Variants in FGF12 observed in about 807,000 individuals in gnomAD.
The protein encoded by FGF12 is fibroblast growth factor 12.
FGF12 carries 14 observed loss-of-function variants against 23.6 expected under a neutral mutation model. That is an observed-to-expected ratio of 0.59 (90% CI 0.39 to 0.93). The LOEUF is 0.93. Ranked by LOEUF, FGF12 falls within the 40% of genes least tolerant of loss-of-function variation. The pLI is 0.00. For missense variants in FGF12, 175 were observed against 217.8 expected (o/e 0.80, Z 1.24); for synonymous variants, 62 against 77.3 (o/e 0.80, Z 1.04).
chr3:192,444,711 G>A lies in FGF12; in HGVS notation c.14-84173C>T, dbSNP rs978303930. On this transcript the variant is annotated intron_variant, in intron 2 of 5. Coordinates refer to ENST00000445105, the MANE Select transcript of FGF12 (RefSeq NM_004113.6). ...TGGGCGAGCGCCACCTCGTGGACAT[G>A]AGGGAAATTGCTTCCCTCTGCGAAT... Among the ~76,000 whole-genome samples, 6 of 152,218 alleles carry A rather than the reference G, an allele frequency of 3.9e-5. No individual in the cohort carries two copies. In the South Asian group the frequency reaches 1.2e-3, roughly 31 times the overall value.
chr3:192,695,005 G>T (rs1718069072), intron 2 of FGF12, among the ~76,000 whole-genome samples: 1 of 151,886 alleles, frequency 6.6e-6, no homozygotes, highest in African/African-American at 2.4e-5. Context: ...TTTGCTAGGG[G>T]AGTAGATTTT....
chr3:192,345,644 G>A lies in FGF12; in HGVS notation c.125-10180C>T, dbSNP rs1717919328. Among the ~76,000 whole-genome samples the A allele has an allele frequency of 4.9e-5, 2 of 40,774 alleles. 1 individual carries two copies. The highest frequency in any genetic ancestry group is 1.1e-3 in the African/African-American group (2 of 1,746). The allele number at this position is 40,774 out of a possible 152,430, so 26.7% of individuals were successfully genotyped here. On this transcript the variant is annotated intron_variant, in intron 3 of 5. Transcript: ENST00000445105. Reference sequence around the variant, plus strand: ...GGAGCTTGCAGTGAGCCGAGATCGCGCCACTGCACTCCAGCCTGGGCGACA... The same window carrying A: ...GGAGCTTGCAGTGAGCCGAGATCGCACCACTGCACTCCAGCCTGGGCGACA...
At chr3:192,536,736 GCATAATAATCACATCAGGGTAAAT>G (rs1220049353) in intron 2 of FGF12, among the ~76,000 whole-genome samples, 1 of 151,940 alleles carries the variant, frequency 6.6e-6, no homozygotes, top group East Asian at 1.9e-4. Flanking sequence ...GGCATATAAT[GCATAATAATCACATCAGGGTAAAT>G]GGGGTATTCA....
At chr3:192,193,216 C>T (rs1716894710) in intron 4 of FGF12, among the ~76,000 whole-genome samples, 1 of 152,168 alleles carries the variant, frequency 6.6e-6, no homozygotes. Flanking sequence ...GCTTGCCTTG[C>T]TCTAGATCTG....
intron 5 of FGF12, among the ~76,000 whole-genome samples, chr3:192,168,538 A>G (rs746697382): frequency 6.6e-6 from 1 of 152,220 alleles, no homozygotes; most frequent in Non-Finnish European, 1.5e-5. Context: ...GAGTCCCAAT[A>G]TAAATCCTAT....
chr3:192,553,208 A>G (rs1711607816), intron 2 of FGF12, among the ~76,000 whole-genome samples: 1 of 152,156 alleles, frequency 6.6e-6, no homozygotes, highest in South Asian at 2.1e-4. Context: ...ATGAATCTAT[A>G]TAAAGAAACT....
intron 4 of FGF12, among the ~76,000 whole-genome samples, chr3:192,269,816 A>C (rs1447369322): frequency 1.3e-5 from 2 of 152,196 alleles, no homozygotes; most frequent in East Asian, 1.9e-4. Context: ...CTAATACTAC[A>C]AAGAATATCT....
At chr3:192,206,820 A>T (rs1388463989) in intron 4 of FGF12, among the ~76,000 whole-genome samples, 3 of 152,136 alleles carry the variant, frequency 2.0e-5, no homozygotes, top group African/African-American at 7.2e-5. Context: ...GGGTGTCTGT[A>T]TCCAACTCTA....
intron 2 of FGF12, among the ~76,000 whole-genome samples, chr3:192,578,830 C>A (rs755730065): frequency 6.6e-6 from 1 of 152,170 alleles, no homozygotes; most frequent in Non-Finnish European, 1.5e-5. Flanking sequence ...TATTGCAAAG[C>A]GAGTAGCTCA....
intron 2 of FGF12, among the ~76,000 whole-genome samples, chr3:192,425,645 T>C (rs1035677525): frequency 6.6e-6 from 1 of 152,206 alleles, no homozygotes; most frequent in Non-Finnish European, 1.5e-5. Flanking sequence ...ATAAGATATA[T>C]GGAGATATAT....
chr3:192,691,440 T>A (rs1226560601), intron 2 of FGF12, among the ~76,000 whole-genome samples: 1 of 151,934 alleles, frequency 6.6e-6, no homozygotes, highest in Non-Finnish European at 1.5e-5. Context: ...AAACAACCGA[T>A]GAGTCAAAGA....
chr3:192,270,329 T>A (rs1273853621), intron 4 of FGF12, among the ~76,000 whole-genome samples: 2 of 152,182 alleles, frequency 1.3e-5, no homozygotes, highest in African/African-American at 4.8e-5. Context: ...AACTGTTAAA[T>A]CAATTCATGA....
intron 2 of FGF12, among the ~76,000 whole-genome samples, chr3:192,560,467 T>C (rs964632971): frequency 6.6e-6 from 1 of 151,894 alleles, no homozygotes; most frequent in Non-Finnish European, 1.5e-5. Context: ...GTACTGTTGA[T>C]GAAAAAAGAA....
At chr3:192,427,168 G>A (rs367677519) in intron 2 of FGF12, among the ~76,000 whole-genome samples, 55 of 152,146 alleles carry the variant, frequency 3.6e-4, no homozygotes, top group Middle Eastern at 3.4e-3. Context: ...AGATCACGAG[G>A]TCAGGAGTTC....
chr3:192,644,395 C>T (rs920463859), intron 2 of FGF12, among the ~76,000 whole-genome samples: 4 of 151,938 alleles, frequency 2.6e-5, no homozygotes, highest in East Asian at 3.9e-4. Flanking sequence ...CCCCTGTTGT[C>T]GTATATTTGT....
At chr3:192,665,629 G>T (rs550590807) in intron 2 of FGF12, among the ~76,000 whole-genome samples, 135 of 152,022 alleles carry the variant, frequency 8.9e-4, no homozygotes, top group South Asian at 7.3e-3. Flanking sequence ...AGGGGAGGGA[G>T]AGCATTAGGA....
intron 4 of FGF12, among the ~76,000 whole-genome samples, chr3:192,264,927 G>C (rs1712986155): frequency 6.6e-6 from 1 of 152,092 alleles, no homozygotes; most frequent in African/African-American, 2.4e-5. Flanking sequence ...GGCCATTCAG[G>C]TGTGTTAGAA....
At chr3:192,197,671 G>A (rs1214058882) in intron 4 of FGF12, among the ~76,000 whole-genome samples, 1 of 152,140 alleles carries the variant, frequency 6.6e-6, no homozygotes, top group Non-Finnish European at 1.5e-5. Context: ...GGGGCCGGAT[G>A]TGGTGGCTCA....
chr3:192,547,899 G>T (rs755095561), intron 2 of FGF12, among the ~76,000 whole-genome samples: 43 of 152,076 alleles, frequency 2.8e-4, no homozygotes, highest in Non-Finnish European at 4.4e-5. Flanking sequence ...ATAATACTCT[G>T]TTCCCTTACA....
Sources: allele counts gnomAD v4.1 joint callset (sites outside exome capture counted in the v4.1 genomes callset), GRCh38; gene constraint gnomAD v4.1.1; transcripts MANE v1.5; gene names NCBI Gene and HGNC (gene_info 2026-07-23, HGNC 2026-07-21).